Variants in HMGCL observed in about 807,000 individuals in gnomAD.
The protein encoded by HMGCL is hydroxymethylglutaryl-CoA lyase, mitochondrial.
HMGCL carries 26 observed loss-of-function variants against 37.3 expected under a neutral mutation model. The ratio of observed to expected loss-of-function variants is 0.70; its 90% CI spans 0.51 to 0.97. The LOEUF (loss-of-function observed/expected upper bound fraction) is 0.97. HMGCL is among the 50% of genes least tolerant of loss of function. HMGCL has a pLI of 0.00. For synonymous variants in HMGCL, 151 were observed against 148.0 expected, an observed-to-expected ratio of 1.02 and a Z score of -0.15; for missense variants, 379 against 398.1, an observed-to-expected ratio of 0.95 and a Z score of 0.41.
intron 1 of HMGCL, 104 bp downstream of exon 1, chr1:23,825,252 T>C: frequency 1.1e-6 from 1 of 916,026 alleles, no homozygotes; most frequent in Non-Finnish European, 1.7e-6. Context: ...GCCTGAGAGC[T>C]GTCCGGCCTC....
chr1:23,820,742 G>T (rs373848421), intron 1 of HMGCL, 149 bp from the exon 2 acceptor site: 19 of 694,128 alleles, frequency 2.7e-5, no homozygotes, highest in Non-Finnish European at 5.0e-5. Context: ...GTCTATTTTA[G>T]AATTAAGAAC....
chr1:23,807,771 T>G (rs1026666073), intron 7 of HMGCL, among the ~76,000 whole-genome samples: 1 of 152,168 alleles, frequency 6.6e-6, no homozygotes, highest in African/African-American at 2.4e-5. Context: ...TGCCTAGTCA[T>G]CTTTCCTCTT....
At chr1:23,823,698 A>G (rs1329915725) in intron 1 of HMGCL, among the ~76,000 whole-genome samples, 1 of 151,968 alleles carries the variant, frequency 6.6e-6, no homozygotes, top group Admixed American at 6.6e-5. Context: ...CAATCTTATC[A>G]GGTAGGAACT....
At chr1:23,807,318 C>T (rs1240503029) in intron 7 of HMGCL, 1 of 503,972 alleles carries the variant, frequency 2.0e-6, no homozygotes, top group Admixed American at 2.0e-5. Context: ...AACTACGAAC[C>T]TTAACCTTGA....
chr1:23,815,076 A>G (rs1392204260), intron 4 of HMGCL, among the ~76,000 whole-genome samples: 2 of 152,034 alleles, frequency 1.3e-5, no homozygotes, highest in African/African-American at 4.8e-5. Context: ...TCGTGGTGGC[A>G]CACGCCTGTA....
At chr1:23,823,947 TA>T in intron 1 of HMGCL, among the ~76,000 whole-genome samples, 1 of 151,536 alleles carries the variant, frequency 6.6e-6, no homozygotes, top group African/African-American at 2.4e-5. Context: ...CATGGGGAGT[TA>T]CTCACTGAGG....
intron 4 of HMGCL, 136 bp downstream of exon 4, chr1:23,816,539 T>G (rs959633862): frequency 1.0e-5 from 8 of 763,236 alleles, no homozygotes; most frequent in Non-Finnish European, 1.7e-5. Flanking sequence ...AGGGCCAGGT[T>G]TGCCCCAGGG....
intron 5 of HMGCL, among the ~76,000 whole-genome samples, chr1:23,813,241 T>G (rs1205241856): frequency 4.1e-5 from 6 of 145,322 alleles, no homozygotes; most frequent in African/African-American, 7.6e-5. Context: ...TTTTTTTTTT[T>G]TTTTTTTTTT....
chr1:23,821,125 GC>G (rs1638711610), intron 1 of HMGCL, among the ~76,000 whole-genome samples: 5 of 152,168 alleles, frequency 3.3e-5, no homozygotes, highest in African/African-American at 9.7e-5. Flanking sequence ...GGAGGCCGAA[GC>G]GGGCGATCAC....
intron 6 of HMGCL, among the ~76,000 whole-genome samples, chr1:23,808,883 T>G (rs1025562807): frequency 1.3e-5 from 2 of 150,924 alleles, no homozygotes; most frequent in African/African-American, 4.9e-5. Flanking sequence ...GCTTGGACCA[T>G]ATGTATAAAA....
At chr1:23,824,595 C>T (rs1250222766) in intron 1 of HMGCL, among the ~76,000 whole-genome samples, 2 of 152,134 alleles carry the variant, frequency 1.3e-5, no homozygotes, top group African/African-American at 4.8e-5. Context: ...AATACCACCA[C>T]CGACTGATCA....
rs1638287407 is a variant in HMGCL, at chr1:23,802,081, C to A, written c.*382G>T. The A allele has an allele frequency of 6.0e-6, 3 of 497,220 alleles. No homozygotes were observed. Among genetic ancestry groups the A allele is most frequent in the Non-Finnish European group, 1.1e-5 (3 of 283,114 alleles). The allele number at this position is 497,220 out of a possible 1,614,324, so 30.8% of individuals were successfully genotyped here. ...AGTCAGAGAGCAAGGGCCCCACGGC[C>A]ATGGCAGGGTGGAGCCGTGTAGAGG... On this transcript the variant is annotated 3_prime_UTR_variant, in exon 9 of 9. Transcript: ENST00000374490.
Position 23,802,636 on chromosome 1 carries a change from A to G in HMGCL, c.877-72T>C, listed in dbSNP as rs2076343. 288,436 of 957,524 alleles carry G rather than the reference A, an allele frequency of 0.3. 46,476 individuals are homozygous for G. Among genetic ancestry groups the G allele is most frequent in the Non-Finnish European group, 0.34 (197,011 of 583,136 alleles). 59.3% of individuals were successfully genotyped at this position (957,524 alleles called of 1,614,324 possible). A position where few individuals can be genotyped will look rare whatever the true frequency, so the allele number is the denominator to read the frequency against. ...AACACCAGGGAAAACATCAGCATGGACAGACAACTGTGATACTGAAAAGTA... is the reference window on the plus strand; with the variant it reads ...AACACCAGGGAAAACATCAGCATGGGCAGACAACTGTGATACTGAAAAGTA... On this transcript the variant is annotated intron_variant, in intron 8 of 8. Transcript: ENST00000374490.
intron 6 of HMGCL, chr1:23,809,294 G>A (rs1277664939): frequency 7.4e-6 from 1 of 135,300 alleles, no homozygotes; most frequent in African/African-American, 2.8e-5. Context: ...GCTGGAGTGC[G>A]GTGGCGCAAT....
Position 23,820,610 on chromosome 1 carries a change from G to A in HMGCL, c.61-17C>T, listed in dbSNP as rs56913973. 907 of 1,582,846 alleles carry A rather than the reference G, an allele frequency of 5.7e-4. 6 individuals are homozygous for A. In the African/African-American group the frequency reaches 0.01, roughly 18 times the overall value. On this transcript the variant is annotated splice_polypyrimidine_tract_variant and intron_variant, in intron 1 of 8. Transcript: ENST00000374490. Reference sequence around the variant, plus strand: ...GGTGCTGACCTTTGGTTTAAAAGAGGAAACAAAAAGTATGAGGAAGAGATT... The same window carrying A: ...GGTGCTGACCTTTGGTTTAAAAGAGAAAACAAAAAGTATGAGGAAGAGATT...
In HMGCL at chr1:23,820,539, C is replaced by A. The variant is rs773543556; in HGVS notation, c.115G>T (p.Gly39Cys). ...LPKRVKIVEV[G>C]PRDGLQNEKN... ...TCATTTTGTAGTCCATCTCGGGGAC[C>A]AACTTCCACAATTTTCACCCGCTTT... The change falls in exon 2 of 9, where the codon GGT becomes TGT. Residue 39 changes from glycine to cysteine, a missense_variant. By Grantham distance (159) the Gly-to-Cys change is radical (BLOSUM62 -3). Transcript: ENST00000374490. 1 of 1,614,044 alleles carries A rather than the reference C, an allele frequency of 6.2e-7. No individual in the cohort carries two copies. The highest frequency in any genetic ancestry group is 8.5e-7 in the Non-Finnish European group (1 of 1,179,922).
intron 4 of HMGCL, among the ~76,000 whole-genome samples, chr1:23,815,284 G>A (rs1390697232): frequency 6.6e-6 from 1 of 151,878 alleles, no homozygotes; most frequent in East Asian, 1.9e-4. Flanking sequence ...CGGAGGCAAA[G>A]ACTGGAGAGA....
chr1:23,815,617 T>A (rs958351065), intron 4 of HMGCL, among the ~76,000 whole-genome samples: 20 of 151,816 alleles, frequency 1.3e-4, no homozygotes, highest in Admixed American at 6.6e-5. Flanking sequence ...TGCCTCAGCC[T>A]CCTGAGTAGC....
At chr1:23,812,890 T>C (rs976122293) in intron 5 of HMGCL, among the ~76,000 whole-genome samples, 1 of 151,586 alleles carries the variant, frequency 6.6e-6, no homozygotes, top group Admixed American at 6.6e-5. Flanking sequence ...TTGTGGGGTT[T>C]TTTTGGTTTT....
Sources: gnomAD v4.1 joint callset for allele counts (sites outside exome capture counted in the v4.1 genomes callset) on GRCh38, gnomAD v4.1.1 for gene constraint, MANE v1.5 for transcripts, NCBI Gene and HGNC (gene_info 2026-07-23, HGNC 2026-07-21) for gene names.